Variants in HAVCR1 observed in about 807,000 individuals in gnomAD.
HAVCR1 encodes the protein hepatitis A virus cellular receptor 1.
A neutral mutation model predicts 32.0 loss-of-function variants in HAVCR1; 34 were observed. That is an observed-to-expected ratio of 1.06 (90% CI 0.81 to 1.42). HAVCR1 has a LOEUF of 1.42. Ranked by LOEUF, HAVCR1 falls within the 40% of genes most tolerant of loss-of-function variation. The pLI, the probability that HAVCR1 is intolerant of heterozygous loss-of-function variation, is 0.00. For missense variants in HAVCR1, 420 were observed against 442.3 expected, an observed-to-expected ratio of 0.95 and a Z score of 0.45; for synonymous variants, 178 against 170.3, an observed-to-expected ratio of 1.05 and a Z score of -0.35.
chr5:157,048,560 G>T (rs1755544216), intron 5 of HAVCR1, among the ~76,000 whole-genome samples: 1 of 152,214 alleles, frequency 6.6e-6, no homozygotes, highest in Non-Finnish European at 1.5e-5. Flanking sequence ...GCTGGGCACG[G>T]TGGCTGATGC....
chr5:157,053,390 AAAAAG>A (rs908204728), intron 3 of HAVCR1, among the ~76,000 whole-genome samples: 9 of 151,264 alleles, frequency 5.9e-5, no homozygotes, highest in African/African-American at 2.2e-4. Context: ...CTTAAAAAAA[AAAAAG>A]AAAAAAAGAA....
intron 6 of HAVCR1, among the ~76,000 whole-genome samples, chr5:157,039,745 A>C (rs1030939790): frequency 6.6e-6 from 1 of 152,234 alleles, no homozygotes; most frequent in African/African-American, 2.4e-5. Flanking sequence ...TCATGATTAT[A>C]AGTGTTAACA....
intron 5 of HAVCR1, 34 bp from the exon 6 acceptor site, chr5:157,042,716 CA>C: frequency 5.3e-6 from 7 of 1,311,994 alleles, no homozygotes; most frequent in South Asian, 1.2e-5. Flanking sequence ...ATTAGAATTA[CA>C]AAAAATATTG....
At chr5:157,042,787 G>T in intron 5 of HAVCR1, 105 bp from the exon 6 acceptor site, 3 of 702,462 alleles carry the variant, frequency 4.3e-6, no homozygotes, top group South Asian at 1.8e-5. Context: ...AAAGTTGAAT[G>T]ATAATATGAC....
intron 6 of HAVCR1, among the ~76,000 whole-genome samples, chr5:157,040,538 C>T (rs1327907467): frequency 6.6e-6 from 1 of 152,242 alleles, no homozygotes. Flanking sequence ...TAAATAGCCC[C>T]ACTTTGATCA....
intron 6 of HAVCR1, among the ~76,000 whole-genome samples, chr5:157,038,831 T>TA (rs1233892926): frequency 1.3e-5 from 2 of 152,082 alleles, no homozygotes; most frequent in African/African-American, 4.8e-5. Flanking sequence ...AAAGGAAAAC[T>TA]AAAAAAACCA....
chr5:157,063,774 G>A (rs1162415038), upstream of HAVCR1, among the ~76,000 whole-genome samples: 1 of 152,212 alleles, frequency 6.6e-6, no homozygotes, highest in African/African-American at 2.4e-5. Context: ...AAACAAGGTG[G>A]TCAGGTTTGA....
chr5:157,065,404 C>A, the HAVCR1 span, among the ~76,000 whole-genome samples: 1 of 152,296 alleles, frequency 6.6e-6, no homozygotes, highest in East Asian at 1.9e-4. Flanking sequence ...GGACTAGGTC[C>A]TGGGGCCTTC....
chr5:157,047,624 AAG>A (rs1185180126), intron 5 of HAVCR1, among the ~76,000 whole-genome samples: 1 of 152,096 alleles, frequency 6.6e-6, no homozygotes, highest in Non-Finnish European at 1.5e-5. Context: ...AGGTTCCTAG[AAG>A]GTGAAGTTCC....
chr5:157,036,295 G>A (rs1199100123), intron 7 of HAVCR1, among the ~76,000 whole-genome samples: 3 of 152,130 alleles, frequency 2.0e-5, no homozygotes, highest in Non-Finnish European at 4.4e-5. Context: ...TGACTAACAC[G>A]GTGAAACCCC....
At chr5:157,061,674 T>C (rs1354761940), upstream of HAVCR1, among the ~76,000 whole-genome samples, 3 of 151,168 alleles carry the variant, frequency 2.0e-5, no homozygotes, top group African/African-American at 7.3e-5. Flanking sequence ...GCCACTGCAC[T>C]CTGGCCTGGG....
At chr5:157,062,996 T>G (rs1188249763), upstream of HAVCR1, among the ~76,000 whole-genome samples, 1 of 151,754 alleles carries the variant, frequency 6.6e-6, no homozygotes, top group Non-Finnish European at 1.5e-5. Flanking sequence ...GGCGCGTGCC[T>G]GTAGTCTCAG....
In HAVCR1 at chr5:157,037,338, T is replaced by C; in HGVS notation, c.861A>G (p.Leu287=). Residue 287 remains leucine, a synonymous_variant, in exon 7 of 9, where the codon CTA becomes CTG. Transcript: ENST00000523175. ...NQTQLFLEHS[L]LTANTTKGIY... ...TTCCTTTAGTGGTATTGGCCGTCAG[T>C]AGACTATGTTCTAGGAACAGTTGCT... 1.3e-6 allele frequency: 2 copies of C among 1,557,248 alleles called. No individual in the cohort carries two copies. Among genetic ancestry groups the C allele is most frequent in the Non-Finnish European group, 8.9e-7 (1 of 1,128,204 alleles).
In HAVCR1 at chr5:157,056,622, T is replaced by C. The variant is rs535388859; in HGVS notation, c.47-1089A>G. On this transcript the variant is annotated intron_variant, in intron 2 of 8. Coordinates refer to ENST00000523175, the MANE Select transcript of HAVCR1 (RefSeq NM_001173393.3). ...GTCTCGATTTCCTGACCTCGTGATC[T>C]GCCCGCCTTGGCCTCCCAAAGTGCT... Among the ~76,000 whole-genome samples the C allele has an allele frequency of 3.2e-3, 478 of 150,816 alleles. 2 individuals are homozygous for C. The highest frequency in any genetic ancestry group is 0.01 in the African/African-American group (423 of 41,132).
chr5:157,029,436 T>C lies in HAVCR1; in HGVS notation c.*297A>G, dbSNP rs1754034783. On this transcript the variant is annotated 3_prime_UTR_variant, in exon 9 of 9. Transcript: ENST00000523175. ...TATTCTCTTTGATGTATACAGGATT[T>C]ATGGGGTCTAAAAAGAACATACAAT... is the stretch of plus-strand genomic sequence containing the variant. The C allele has an allele frequency of 3.2e-6, 2 of 626,066 alleles. No individual in the cohort carries two copies. The highest frequency in any genetic ancestry group is 5.6e-6 in the Non-Finnish European group (2 of 359,564). 38.8% of individuals were successfully genotyped at this position (626,066 alleles called of 1,614,324 possible).
At position 157,031,794 on chromosome 5, in the gene HAVCR1, C is replaced by CA. The variant is rs57821791; in HGVS notation, c.986+1059dup. 2.7e-3 allele frequency among the ~76,000 whole-genome samples: 291 copies of CA among 106,518 alleles called. 1 individual carries two copies. Among genetic ancestry groups the CA allele is most frequent in the African/African-American group, 6.3e-3 (168 of 26,786 alleles). The allele number at this position is 106,518 out of a possible 152,430, so 69.9% of individuals were successfully genotyped here. ...CCATTGCATTCCAGCCTGGGTGTCT[C>CA]AAAAAAAAAAAAAAAAAAAAAAGTA... On this transcript the variant is annotated intron_variant, in intron 8 of 8. Coordinates refer to ENST00000523175, the MANE Select transcript of HAVCR1 (RefSeq NM_001173393.3).
At chr5:157,062,404 A>C (rs147236378), upstream of HAVCR1, among the ~76,000 whole-genome samples, 121 of 152,280 alleles carry the variant, frequency 7.9e-4, no homozygotes, top group African/African-American at 2.8e-3. Context: ...AAAGAAAATA[A>C]TTCACTGTTC....
intron 5 of HAVCR1, among the ~76,000 whole-genome samples, chr5:157,046,617 T>A (rs892576223): frequency 6.6e-6 from 1 of 152,180 alleles, no homozygotes; most frequent in African/African-American, 2.4e-5. Context: ...GATTGGGTAA[T>A]TTAAACAGAA....
At position 157,044,492 on chromosome 5, in the gene HAVCR1, GA is replaced by G. The variant is rs373034767; in HGVS notation, c.782-1811del. Reference sequence around the variant, plus strand: ...GAAAGGAAGGAAGGAAGGAAGGAAGGAAGGAAGGAAGGAAGGAGGAAGGAAG... The same window carrying G: ...GAAAGGAAGGAAGGAAGGAAGGAAGGAGGAAGGAAGGAAGGAGGAAGGAAG... On this transcript the variant is annotated intron_variant, in intron 5 of 8. Coordinates refer to ENST00000523175, the MANE Select transcript of HAVCR1 (RefSeq NM_001173393.3). 3.2e-3 allele frequency among the ~76,000 whole-genome samples: 211 copies of G among 66,490 alleles called. 13 individuals carry two copies. Among genetic ancestry groups the G allele is most frequent in the African/African-American group, 0.012 (198 of 17,102 alleles). 43.6% of individuals were successfully genotyped at this position (66,490 alleles called of 152,430 possible). A position where few individuals can be genotyped will look rare whatever the true frequency, so the allele number is the denominator to read the frequency against.
Sources: gnomAD v4.1 joint callset for allele counts (sites outside exome capture counted in the v4.1 genomes callset) on GRCh38, gnomAD v4.1.1 for gene constraint, MANE v1.5 for transcripts, NCBI Gene and HGNC (gene_info 2026-07-23, HGNC 2026-07-21) for gene names.